KCNQ1: variants seen among roughly 807,000 people sequenced by gnomAD.
The protein encoded by KCNQ1 is potassium voltage-gated channel subfamily KQT member 1.
Under a neutral mutation model 72.4 loss-of-function variants are expected in KCNQ1, and 49 were observed. The ratio of observed to expected loss-of-function variants is 0.68; its 90% CI spans 0.54 to 0.86. The LOEUF (loss-of-function observed/expected upper bound fraction) is 0.86, where lower values mean the gene tolerates loss of function less well. Ranked by LOEUF, KCNQ1 falls within the 40% of genes least tolerant of loss-of-function variation. The pLI, the probability that KCNQ1 is intolerant of heterozygous loss-of-function variation, is 0.00. For synonymous variants in KCNQ1, 450 were observed against 412.6 expected, an observed-to-expected ratio of 1.09 and a Z score of -1.10; for missense variants, 790 against 945.1, an observed-to-expected ratio of 0.84 and a Z score of 2.15.
intron 15 of KCNQ1, among the ~76,000 whole-genome samples, chr11:2,802,189 C>T (rs1464043838): frequency 6.6e-6 from 1 of 152,230 alleles, no homozygotes; most frequent in African/African-American, 2.4e-5. Context: ...CCAGCTTCAG[C>T]CACACCCGCC....
rs1849264070 is a variant in KCNQ1, at chr11:2,626,480, CT to C, written c.1394-35478del. The C allele has an allele frequency of 2.5e-6, 1 of 398,464 alleles. No homozygotes were observed. 24.7% of individuals were successfully genotyped at this position (398,464 alleles called of 1,614,324 possible). ...TATTCAATTCCATTGGTCTCTACAT[CT>C]TTATGTCAATACCACATAGTTTTGA... is the stretch of plus-strand genomic sequence containing the variant. On this transcript the variant is annotated intron_variant, in intron 10 of 15. Transcript: ENST00000155840. This position sits in a 1 kb window ranked among gnomAD's most constrained non-coding sequence, Gnocchi z 4.0.
Position 2,468,005 on chromosome 11 carries a change from A to G in KCNQ1, c.386+22521A>G, listed in dbSNP as rs1300498633. On this transcript the variant is annotated intron_variant, in intron 1 of 15. Coordinates refer to ENST00000155840, the MANE Select transcript of KCNQ1 (RefSeq NM_000218.3). This position sits in a 1 kb window ranked among gnomAD's most constrained non-coding sequence, Gnocchi z 5.7. ...GTGGGTGCAGGCCATGTGCCTCTGCATTTCCTTTACCCCATCTGTAAAATA... is the reference window on the plus strand; with the variant it reads ...GTGGGTGCAGGCCATGTGCCTCTGCGTTTCCTTTACCCCATCTGTAAAATA... Among the ~76,000 whole-genome samples, 1 of 152,206 alleles carries G rather than the reference A, an allele frequency of 6.6e-6. No homozygotes were observed. The highest frequency in any genetic ancestry group is 2.4e-5 in the African/African-American group (1 of 41,456).
At position 2,447,372 on chromosome 11, in the gene KCNQ1, C is replaced by A. The variant is rs1267472509; in HGVS notation, c.386+1888C>A. ...TGGCCAGATCTGGGGCTGGTCCTTT[C>A]CAGTTCTGGGTCCTGTCCTTGTAAG... On this transcript the variant is annotated intron_variant, in intron 1 of 15. Coordinates refer to ENST00000155840, the MANE Select transcript of KCNQ1 (RefSeq NM_000218.3). The surrounding 1 kb of genome is among the most constrained non-coding windows in gnomAD (Gnocchi z 7.6). Among the ~76,000 whole-genome samples the A allele has an allele frequency of 1.3e-5, 2 of 152,084 alleles. No individual in the cohort carries two copies. Among genetic ancestry groups the A allele is most frequent in the African/African-American group, 4.8e-5 (2 of 41,422 alleles).
chr11:2,685,594 C>G, intron 11 of KCNQ1: 1 of 398,644 alleles, frequency 2.5e-6, no homozygotes, highest in Non-Finnish European at 4.4e-6. Context: ...TGACAGGAAG[C>G]TAGGAGGGTT....
chr11:2,571,881 A>T, intron 4 of KCNQ1, 132 bp from the exon 5 acceptor site: 1 of 734,590 alleles, frequency 1.4e-6, no homozygotes, highest in Non-Finnish European at 2.4e-6. Flanking sequence ...ACATATACCC[A>T]GCCTCCCCAC....
In KCNQ1 at chr11:2,599,565, TAACAAAATA is replaced by T; in HGVS notation, c.1393+10712_1393+10720del. Among the ~76,000 whole-genome samples, 1 of 152,364 alleles carries T rather than the reference TAACAAAATA, an allele frequency of 6.6e-6. No individual in the cohort carries two copies. The highest frequency in any genetic ancestry group is 2.4e-5 in the African/African-American group (1 of 41,588). On this transcript the variant is annotated intron_variant, in intron 10 of 15. Transcript: ENST00000155840. The surrounding 1 kb of genome is among the most constrained non-coding windows in gnomAD (Gnocchi z 4.7). ...ATGTATTAGTTTGCTAGGACTGCCA[TAACAAAATA>T]CCACAGGCTGGGTGGCTTAGACAGC...
Position 2,501,718 on chromosome 11 carries a change from C to CAAAAAAAAAAAAAAAAAA in KCNQ1, c.387-26198_387-26181dup, listed in dbSNP as rs55865890. Among the ~76,000 whole-genome samples, 31 of 68,908 alleles carry CAAAAAAAAAAAAAAAAAA rather than the reference C, an allele frequency of 4.5e-4. 1 individual carries two copies. The highest frequency in any genetic ancestry group is 7.5e-4 in the Non-Finnish European group (26 of 34,650). The allele number at this position is 68,908 out of a possible 152,430, so 45.2% of individuals were successfully genotyped here. A position where few individuals can be genotyped will look rare whatever the true frequency, so the allele number is the denominator to read the frequency against. On this transcript the variant is annotated intron_variant, in intron 1 of 15. Transcript: ENST00000155840. ...TTACCAAAACCAGACAAAGATACAT[C>CAAAAAAAAAAAAAAAAAA]AAAAAAAAAAAAAAAAAAAAAAAAA...
chr11:2,767,668 C>T lies in KCNQ1; in HGVS notation c.1515-1176C>T, dbSNP rs1279631289. Among the ~76,000 whole-genome samples, 1 of 152,186 alleles carries T rather than the reference C, an allele frequency of 6.6e-6. No individual in the cohort carries two copies. The highest frequency in any genetic ancestry group is 6.5e-5 in the Admixed American group (1 of 15,276). ...ATGGAAAGTTGGCATTGCTTAGTTTCTGGGGCTGCCTTCTAGATAGCTTCT... is the reference window on the plus strand; with the variant it reads ...ATGGAAAGTTGGCATTGCTTAGTTTTTGGGGCTGCCTTCTAGATAGCTTCT... On this transcript the variant is annotated intron_variant, in intron 11 of 15. Coordinates refer to ENST00000155840, the MANE Select transcript of KCNQ1 (RefSeq NM_000218.3). The surrounding 1 kb of genome is among the most constrained non-coding windows in gnomAD (Gnocchi z 4.6).
rs562644413 is a variant in KCNQ1 at position 2,481,497 on chromosome 11, G to C, written c.386+36013G>C. Among the ~76,000 whole-genome samples the C allele has an allele frequency of 6.6e-6, 1 of 152,254 alleles. No homozygotes were observed. Among genetic ancestry groups the C allele is most frequent in the Admixed American group, 6.5e-5 (1 of 15,292 alleles). On this transcript the variant is annotated intron_variant, in intron 1 of 15. Transcript: ENST00000155840. The surrounding 1 kb of genome is among the most constrained non-coding windows in gnomAD (Gnocchi z 4.6). The stretch of plus-strand genomic sequence containing the variant: ...GAGGCTGTGTGGCCATCAGCCAGGC[G>C]TCCCCAACCCCCAGGCCATGAAGCA...
Position 2,847,896 on chromosome 11 carries a change from T to C in KCNQ1, c.1924T>C (p.Cys642Arg), listed in dbSNP as rs1410404016. ...GGGCGGGGCCCACATCACCCAGCCC[T>C]GCGGCAGTGGCGGCTCCGTCGACCC... ...REGGAHITQP[C>R]GSGGSVDPEL... Residue 642 changes from cysteine (C) to arginine (R), a missense_variant, in exon 16 of 16, where the codon TGC becomes CGC. Around this residue, in one of 5 missense-constraint regions of KCNQ1, gnomAD observed 94 missense variants for 85.2 expected, o/e 1.10. Coordinates refer to ENST00000155840, the MANE Select transcript of KCNQ1 (RefSeq NM_000218.3). 2.5e-6 allele frequency: 4 copies of C among 1,583,884 alleles called. No individual in the cohort carries two copies. The highest frequency in any genetic ancestry group is 2.6e-6 in the Non-Finnish European group (3 of 1,165,202).
In KCNQ1 at chr11:2,486,716, C is replaced by T. The variant is rs116210773; in HGVS notation, c.387-41212C>T. 2.4e-3 allele frequency among the ~76,000 whole-genome samples: 362 copies of T among 152,274 alleles called. 1 individual carries two copies. Among genetic ancestry groups the T allele is most frequent in the African/African-American group, 7.9e-3 (329 of 41,538 alleles). On this transcript the variant is annotated intron_variant, in intron 1 of 15. Coordinates refer to ENST00000155840, the MANE Select transcript of KCNQ1 (RefSeq NM_000218.3). This position sits in a 1 kb window ranked among gnomAD's most constrained non-coding sequence, Gnocchi z 5.0. ...CTTCCAATCACGGCAGAAGGTGAAG[C>T]GGGAGTAGGTGTCTCATATGATGAG... is the stretch of plus-strand genomic sequence containing the variant.
At position 2,497,363 on chromosome 11, in the gene KCNQ1, C is replaced by G. The variant is rs920944199; in HGVS notation, c.387-30565C>G. Among the ~76,000 whole-genome samples, 1 of 152,066 alleles carries G rather than the reference C, an allele frequency of 6.6e-6. No homozygotes were observed. Among genetic ancestry groups the G allele is most frequent in the African/African-American group, 2.4e-5 (1 of 41,406 alleles). On this transcript the variant is annotated intron_variant, in intron 1 of 15. Transcript: ENST00000155840. This position sits in a 1 kb window ranked among gnomAD's most constrained non-coding sequence, Gnocchi z 4.5. ...ATATTTCTTGGAGGTTTTGTTCGTT[C>G]TTTTTCATCATTTTTTCTCTAATCT...
Position 2,676,746 on chromosome 11 carries a change from G to T in KCNQ1, c.1514+14665G>T. ...ATGCATAGTGGCTTTGGGTACGATG[G>T]TCTGCTGTATGAAGCAACCCTAGGA... is the stretch of plus-strand genomic sequence containing the variant. On this transcript the variant is annotated intron_variant, in intron 11 of 15. Coordinates refer to ENST00000155840, the MANE Select transcript of KCNQ1 (RefSeq NM_000218.3). This position sits in a 1 kb window ranked among gnomAD's most constrained non-coding sequence, Gnocchi z 4.2. The T allele has an allele frequency of 2.5e-6, 1 of 398,640 alleles. No individual in the cohort carries two copies. Among genetic ancestry groups the T allele is most frequent in the Non-Finnish European group, 4.4e-6 (1 of 226,058 alleles). 24.7% of individuals were successfully genotyped at this position (398,640 alleles called of 1,614,324 possible).
Position 2,661,902 on chromosome 11 carries a change from C to T in KCNQ1, c.1394-59C>T, listed in dbSNP as rs1048163418. The T allele has an allele frequency of 7.4e-6, 12 of 1,612,054 alleles. No homozygotes were observed. Among genetic ancestry groups the T allele is most frequent in the African/African-American group, 2.7e-5 (2 of 74,792 alleles). ...CCCTGGGAGCTCACAGGCCTGGCTC[C>T]ACAGCACTGGCAGGTTGGGTGGGAG... On this transcript the variant is annotated intron_variant, in intron 10 of 15. Transcript: ENST00000155840. The surrounding 1 kb of genome is among the most constrained non-coding windows in gnomAD (Gnocchi z 5.9).
At chr11:2,467,895 G>T (rs1007041182) in intron 1 of KCNQ1, among the ~76,000 whole-genome samples, 7 of 152,232 alleles carry the variant, frequency 4.6e-5, no homozygotes, top group Admixed American at 3.3e-4. Flanking sequence ...TGACCTCCGA[G>T]TCCAGGCACT....
chr11:2,588,223 G>A lies in KCNQ1; in HGVS notation c.1252-490G>A, dbSNP rs548178089. Among the ~76,000 whole-genome samples, 12 of 152,144 alleles carry A rather than the reference G, an allele frequency of 7.9e-5. No homozygotes were observed. The South Asian group carries it at 1.5e-3, about 18-fold the overall frequency. On this transcript the variant is annotated intron_variant, in intron 9 of 15. Transcript: ENST00000155840. This position sits in a 1 kb window ranked among gnomAD's most constrained non-coding sequence, Gnocchi z 5.6. The stretch of plus-strand genomic sequence containing the variant: ...CTGGCATGGTTCCCCTTCCTGGCCC[G>A]TGCCCACCCCCTGTGGAGAGACCTG...
chr11:2,755,353 C>T (rs750276937), intron 11 of KCNQ1, among the ~76,000 whole-genome samples: 4 of 152,168 alleles, frequency 2.6e-5, no homozygotes, highest in African/African-American at 4.8e-5. Context: ...CTGGCTCAAA[C>T]GATTCTTCCA....
intron 2 of KCNQ1, among the ~76,000 whole-genome samples, chr11:2,569,135 C>T (rs576770084): frequency 4.6e-5 from 7 of 152,312 alleles, no homozygotes; most frequent in East Asian, 1.9e-4. Context: ...CTGCCTGCCT[C>T]GGCCTCCCAG....
intron 8 of KCNQ1, 102 bp downstream of exon 8, chr11:2,585,409 C>G (rs994127985): frequency 2.5e-5 from 27 of 1,083,072 alleles, no homozygotes; most frequent in Middle Eastern, 2.0e-4. Context: ...GCCCCTGCAT[C>G]AGCTTGGCTG....
Sources: allele counts gnomAD v4.1 joint callset (sites outside exome capture counted in the v4.1 genomes callset), GRCh38; gene constraint gnomAD v4.1.1; regional missense constraint gnomAD v4.1.1; non-coding constraint Gnocchi (gnomAD v3.1); transcripts MANE v1.5; gene names NCBI Gene and HGNC (gene_info 2026-07-23, HGNC 2026-07-21).